The following CFAP58 variants were observed in gnomAD, a reference collection of about 807,000 sequenced individuals.
CFAP58 encodes cilia- and flagella-associated protein 58.
Under a neutral mutation model 119.5 loss-of-function variants are expected in CFAP58, and 88 were observed. That is an observed-to-expected ratio of 0.74 (90% CI 0.62 to 0.88). CFAP58 has a LOEUF of 0.88. Among genes scored for constraint, CFAP58 ranks in the 40% least tolerant of loss-of-function variants. CFAP58 has a pLI of 0.00. For synonymous variants in CFAP58, 365 were observed against 366.3 expected (o/e 1.00, Z 0.04); for missense variants, 990 against 1,021.2 (o/e 0.97, Z 0.42).
At chr10:104,438,464 T>C (rs1040884805) in intron 15 of CFAP58, among the ~76,000 whole-genome samples, 3 of 148,400 alleles carry the variant, frequency 2.0e-5, no homozygotes, top group African/African-American at 7.4e-5. Context: ...CCAGCTCCGC[T>C]TCCCGGGTTC....
At chr10:104,439,007 C>T (rs2012990687) in intron 15 of CFAP58, among the ~76,000 whole-genome samples, 1 of 151,942 alleles carries the variant, frequency 6.6e-6, no homozygotes, top group South Asian at 2.1e-4. Flanking sequence ...AACAAGCAAG[C>T]CAAAGAAAAC....
rs1415209753 is a variant in CFAP58 at position 104,393,361 on chromosome 10, G to T, written c.1560G>T (p.Lys520Asn). ...TAACAGATATGAAGAGAAAGTTAAAGATTATGATCCATCAGGTAGATGAGC... is the reference window on the plus strand; with the variant it reads ...TAACAGATATGAAGAGAAAGTTAAATATTATGATCCATCAGGTAGATGAGC... ...DEITDMKRKL[K>N]IMIHQVDELK... Residue 520 changes from lysine to asparagine, a missense_variant, in exon 11 of 18, where the codon AAG becomes AAT. Physicochemically the swap from Lys to Asn is moderately conservative, Grantham distance 94. Coordinates refer to ENST00000369704, the MANE Select transcript of CFAP58 (RefSeq NM_001008723.2). The T allele has an allele frequency of 1.2e-6, 2 of 1,613,990 alleles. No individual in the cohort carries two copies. The highest frequency in any genetic ancestry group is 1.7e-6 in the Non-Finnish European group (2 of 1,179,900).
chr10:104,376,803 G>T lies in CFAP58; in HGVS notation c.1091-8G>T, dbSNP rs1278299352. 3 of 1,609,648 alleles carry T rather than the reference G, an allele frequency of 1.9e-6. No individual in the cohort carries two copies. Among genetic ancestry groups the T allele is most frequent in the Non-Finnish European group, 2.5e-6 (3 of 1,177,156 alleles). On this transcript the variant is annotated splice_region_variant and splice_polypyrimidine_tract_variant and intron_variant, in intron 7 of 17. Coordinates refer to ENST00000369704, the MANE Select transcript of CFAP58 (RefSeq NM_001008723.2). Reference sequence around the variant, plus strand: ...GTTTATTATTATTTTTTCTCCCTGGGGATTCAGAGGTAGAGGCTTCAAAGA... The same window carrying T: ...GTTTATTATTATTTTTTCTCCCTGGTGATTCAGAGGTAGAGGCTTCAAAGA...
intron 1 of CFAP58, among the ~76,000 whole-genome samples, chr10:104,356,674 GA>G (rs1173533825): frequency 6.3e-5 from 9 of 142,372 alleles, no homozygotes; most frequent in African/African-American, 9.9e-5. Flanking sequence ...TTTTTTCTGA[GA>G]TTTTTTTTTT....
intron 15 of CFAP58, among the ~76,000 whole-genome samples, chr10:104,437,788 T>C (rs971539905): frequency 5.9e-5 from 9 of 152,178 alleles, no homozygotes; most frequent in Non-Finnish European, 1.5e-5. Flanking sequence ...AACAGAAATA[T>C]TTTAAAAATA....
chr10:104,419,852 G>A (rs552939341), intron 15 of CFAP58, among the ~76,000 whole-genome samples: 6 of 152,100 alleles, frequency 3.9e-5, no homozygotes, highest in East Asian at 1.9e-4. Flanking sequence ...TTTGGTTTTC[G>A]TGTTAAAAAT....
intron 3 of CFAP58, among the ~76,000 whole-genome samples, chr10:104,363,307 A>G (rs1264336328): frequency 6.6e-6 from 1 of 152,212 alleles, no homozygotes; most frequent in Non-Finnish European, 1.5e-5. Context: ...AAAACATGGC[A>G]TCAACGAATG....
chr10:104,353,761 G>C (rs2014500251), upstream of CFAP58: 4 of 1,004,400 alleles, frequency 4.0e-6, no homozygotes, highest in Non-Finnish European at 5.8e-6. Flanking sequence ...GCGACGGGCC[G>C]ACGCGCCGAG....
chr10:104,344,929 C>T, the CFAP58 span, among the ~76,000 whole-genome samples: 4 of 152,134 alleles, frequency 2.6e-5, no homozygotes, highest in South Asian at 8.3e-4. Context: ...GGGTGGATCA[C>T]CTGAGGTCAG....
chr10:104,341,728 GAA>G, the CFAP58 span, among the ~76,000 whole-genome samples: 1 of 151,766 alleles, frequency 6.6e-6, no homozygotes, highest in African/African-American at 2.4e-5. Context: ...GCACACCAAA[GAA>G]TATTACATCA....
intron 15 of CFAP58, among the ~76,000 whole-genome samples, chr10:104,420,647 T>TA (rs1293359211): frequency 6.6e-6 from 1 of 151,526 alleles, no homozygotes; most frequent in Non-Finnish European, 1.5e-5. Flanking sequence ...AAATAAAAGT[T>TA]AAAAAAAGAA....
chr10:104,362,616 G>T (rs1432996815), intron 3 of CFAP58, among the ~76,000 whole-genome samples: 1 of 152,122 alleles, frequency 6.6e-6, no homozygotes, highest in Non-Finnish European at 1.5e-5. Flanking sequence ...CCACTGTCTT[G>T]TTGGCTTGGT....
rs756580951 is a variant in CFAP58 at position 104,380,094 on chromosome 10, C to T, written c.1239C>T (p.Ala413=). Residue 413 remains alanine, a synonymous_variant, in exon 9 of 18, where the codon GCC becomes GCT. Coordinates refer to ENST00000369704, the MANE Select transcript of CFAP58 (RefSeq NM_001008723.2). Reference sequence around the variant, plus strand: ...ACTTGGTAAAGCTCCATGAACAAGCCAAGAGGAACCTGGAGGGAGAAATCC... The same window carrying T: ...ACTTGGTAAAGCTCCATGAACAAGCTAAGAGGAACCTGGAGGGAGAAATCC... The part of the protein sequence containing the change: ...QTDLVKLHEQ[A]KRNLEGEIQN... 1.9e-6 allele frequency: 3 copies of T among 1,614,026 alleles called. No individual in the cohort carries two copies. The highest frequency in any genetic ancestry group is 2.5e-6 in the Non-Finnish European group (3 of 1,179,982).
chr10:104,399,834 G>A (rs1289860476), intron 12 of CFAP58, among the ~76,000 whole-genome samples: 1 of 152,020 alleles, frequency 6.6e-6, no homozygotes, highest in Non-Finnish European at 1.5e-5. Context: ...TTGACTGGGT[G>A]TTCACATGTA....
intron 1 of CFAP58, among the ~76,000 whole-genome samples, chr10:104,357,853 A>T (rs1200675800): frequency 2.3e-5 from 1 of 44,146 alleles, no homozygotes; most frequent in East Asian, 4.3e-4. Context: ...ATGTACACAT[A>T]TATACACATA....
chr10:104,442,587 CAA>C (rs1210585369), intron 15 of CFAP58, among the ~76,000 whole-genome samples: 46 of 65,480 alleles, frequency 7.0e-4, no homozygotes, highest in Admixed American at 6.8e-4. Context: ...GACTCCATTT[CAA>C]AAAAAAAAAA....
intron 13 of CFAP58, among the ~76,000 whole-genome samples, chr10:104,401,902 C>T (rs2012272975): frequency 6.6e-6 from 1 of 152,142 alleles, no homozygotes; most frequent in African/African-American, 2.4e-5. Context: ...GATACCACCA[C>T]TGACATTTTG....
At chr10:104,427,169 G>T (rs548998765) in intron 15 of CFAP58, among the ~76,000 whole-genome samples, 1 of 152,150 alleles carries the variant, frequency 6.6e-6, no homozygotes, top group East Asian at 1.9e-4. Context: ...GTCCAAAGTC[G>T]GTGGTCTAAT....
intron 15 of CFAP58, among the ~76,000 whole-genome samples, chr10:104,423,544 G>GA (rs776823060): frequency 6.8e-6 from 1 of 146,030 alleles, no homozygotes; most frequent in Non-Finnish European, 1.5e-5. Context: ...TTAAACAGGA[G>GA]TTTTTTTTTT....
Sources: allele counts gnomAD v4.1 joint callset (sites outside exome capture counted in the v4.1 genomes callset), GRCh38; gene constraint gnomAD v4.1.1; transcripts MANE v1.5; gene names NCBI Gene and HGNC (gene_info 2026-07-23, HGNC 2026-07-21).